Variants in FCHO1 observed in about 807,000 individuals in gnomAD.
The protein encoded by FCHO1 is F-BAR domain only protein 1.
A neutral mutation model predicts 114.4 loss-of-function variants in FCHO1; 45 were observed. The ratio of observed to expected loss-of-function variants is 0.39; its 90% confidence interval spans 0.31 to 0.50. The LOEUF (loss-of-function observed/expected upper bound fraction) is 0.50, where lower values mean the gene tolerates loss of function less well. Ranked by LOEUF, FCHO1 falls within the 20% of genes least tolerant of loss-of-function variation. The pLI is 0.77. For synonymous variants in FCHO1, 480 were observed against 488.9 expected, an observed-to-expected ratio of 0.98 and a Z score of 0.24; for missense variants, 1,042 against 1,209.6, an observed-to-expected ratio of 0.86 and a Z score of 2.06.
chr19:17,760,747 T>G (rs929687845), intron 4 of FCHO1, among the ~76,000 whole-genome samples: 7 of 152,114 alleles, frequency 4.6e-5, no homozygotes, highest in African/African-American at 1.4e-4. Context: ...CCTCCCGGGT[T>G]CAAGTGATTC....
chr19:17,784,729 C>G lies in FCHO1; in HGVS notation c.2231C>G (p.Ser744Cys). 1 of 1,613,950 alleles carries G rather than the reference C, an allele frequency of 6.2e-7. No individual in the cohort carries two copies. Among genetic ancestry groups the G allele is most frequent in the South Asian group, 1.1e-5 (1 of 91,084 alleles). Residue 744 changes from serine to cysteine, a missense_variant, in exon 26 of 29, where the codon TCC becomes TGC. Coordinates refer to ENST00000596536, the MANE Select transcript of FCHO1 (RefSeq NM_015122.3). This position sits in a 1 kb window ranked among gnomAD's most constrained non-coding sequence, Gnocchi z 5.3. ...TCTCATTCTCATTCTTCCTAGTTCT[C>G]CCGCCCGGGTCCCCAGTCTGTGCCT... Reference protein sequence around the residue: ...YNVVLLRYQFSRPGPQSVPLQ... With the variant: ...YNVVLLRYQFCRPGPQSVPLQ...
rs2092692025 is a variant in FCHO1, at chr19:17,776,813, G to GT, written c.1259+132dup. On this transcript the variant is annotated intron_variant, in intron 18 of 28. Coordinates refer to ENST00000596536, the MANE Select transcript of FCHO1 (RefSeq NM_015122.3). This position sits in a 1 kb window ranked among gnomAD's most constrained non-coding sequence, Gnocchi z 4.4. ...GTCATGCTGGGGTTTTTTTGTTTTT[G>GT]TTTTTGTTTTGAGACAGAGTCTCAC... is the stretch of plus-strand genomic sequence containing the variant. 9 of 913,888 alleles carry GT rather than the reference G, an allele frequency of 9.8e-6. No individual in the cohort carries two copies. Among genetic ancestry groups the GT allele is most frequent in the Non-Finnish European group, 1.5e-5 (9 of 602,102 alleles). 56.6% of individuals were successfully genotyped at this position (913,888 alleles called of 1,614,324 possible).
intron 3 of FCHO1, chr19:17,754,909 C>T (rs1599536461): frequency 2.0e-6 from 1 of 512,706 alleles, no homozygotes; most frequent in East Asian, 3.6e-5. Flanking sequence ...GAATTGGGGG[C>T]ATCTGTGTCT....
chr19:17,782,640 G>C (rs1414099519), intron 23 of FCHO1, among the ~76,000 whole-genome samples: 3 of 152,162 alleles, frequency 2.0e-5, no homozygotes, highest in Admixed American at 6.6e-5. Context: ...GCGGAGTGCA[G>C]GGATATATAT....
Position 17,784,070 on chromosome 19 carries a change from G to A in FCHO1, c.2094-33G>A, listed in dbSNP as rs764126635. The stretch of plus-strand genomic sequence containing the variant: ...TGGGAGCCCTGGGAGGGCATGTCCC[G>A]AGGATTGGGGTGATCAGTCCGGGTC... On this transcript the variant is annotated intron_variant, in intron 24 of 28. Transcript: ENST00000596536. This position sits in a 1 kb window ranked among gnomAD's most constrained non-coding sequence, Gnocchi z 5.3. The A allele has an allele frequency of 3.8e-6, 6 of 1,593,946 alleles. No individual in the cohort carries two copies. Among genetic ancestry groups the A allele is most frequent in the Admixed American group, 3.4e-5 (2 of 58,162 alleles).
rs1221721234 is a variant in FCHO1, at chr19:17,778,728, T to A, written c.1471T>A (p.Ser491Thr). 4.5e-6 allele frequency: 7 copies of A among 1,542,258 alleles called. No individual in the cohort carries two copies. The highest frequency in any genetic ancestry group is 6.1e-6 in the Non-Finnish European group (7 of 1,148,714). The change falls in exon 20 of 29, where the codon TCC (serine) becomes ACC (threonine). Residue 491 changes from serine (S) to threonine (T), a missense_variant. Physicochemically the swap from Ser to Thr is moderately conservative, Grantham distance 58 (BLOSUM62 1). Coordinates refer to ENST00000596536, the MANE Select transcript of FCHO1 (RefSeq NM_015122.3). ...SHAAPGPSPD[S>T]WVPRPGTPQS... ...CGCGGCACCTGGCCCCTCCCCAGAT[T>A]CCTGGGTCCCCCGCCCAGGCACCCC...
intron 6 of FCHO1, among the ~76,000 whole-genome samples, chr19:17,766,154 T>G (rs1035253838): frequency 3.5e-4 from 53 of 149,902 alleles, no homozygotes; most frequent in African/African-American, 1.2e-3. Context: ...CCTCCCAAAG[T>G]GCTGGGATTA....
intron 1 of FCHO1, among the ~76,000 whole-genome samples, chr19:17,752,017 T>C (rs916575337): frequency 1.3e-5 from 2 of 152,176 alleles, no homozygotes; most frequent in Non-Finnish European, 2.9e-5. Context: ...TGGTGCTCCA[T>C]GTGTATCTGT....
At chr19:17,768,714 A>C in intron 7 of FCHO1, among the ~76,000 whole-genome samples, 1 of 124,900 alleles carries the variant, frequency 8.0e-6, no homozygotes, top group African/African-American at 2.8e-5. Flanking sequence ...CAAGGCAAAA[A>C]AAAAAAAAAG....
Position 17,775,931 on chromosome 19 carries a change from G to A in FCHO1, c.1004-52G>A, listed in dbSNP as rs1256387586. 1 of 1,585,530 alleles carries A rather than the reference G, an allele frequency of 6.3e-7. No individual in the cohort carries two copies. The highest frequency in any genetic ancestry group is 2.2e-5 in the East Asian group (1 of 44,632). On this transcript the variant is annotated intron_variant, in intron 15 of 28. Coordinates refer to ENST00000596536, the MANE Select transcript of FCHO1 (RefSeq NM_015122.3). The surrounding 1 kb of genome is among the most constrained non-coding windows in gnomAD (Gnocchi z 5.1). The stretch of plus-strand genomic sequence containing the variant: ...AGGGACGAGGCTGGATTGGAGAGCT[G>A]ACTGGGGGAAAGCTTGTGTTGGGAT...
At chr19:17,754,852 A>T (rs2082920392) in intron 3 of FCHO1, 171 bp downstream of exon 3, 1 of 407,316 alleles carries the variant, frequency 2.5e-6, no homozygotes, top group Non-Finnish European at 4.6e-6. Context: ...TCCAATCTAG[A>T]CTCCCTCAGC....
Position 17,772,546 on chromosome 19 carries a change from G to A in FCHO1, c.684G>A (p.Gln228=). ...ACTCGGTGGAGGACACGCACGTGCA[G>A]ATTGGGCAGGTGAGTTGGGCAGGTG... ...YAHSVEDTHV[Q]IGQVHEEFKQ... The change falls in exon 10 of 29, where the codon CAG becomes CAA. Residue 228 remains glutamine (Q), a synonymous_variant. Coordinates refer to ENST00000596536, the MANE Select transcript of FCHO1 (RefSeq NM_015122.3). The A allele has an allele frequency of 1.9e-6, 3 of 1,614,170 alleles. No homozygotes were observed. Among genetic ancestry groups the A allele is most frequent in the Non-Finnish European group, 2.5e-6 (3 of 1,180,004 alleles).
chr19:17,778,899 C>A lies in FCHO1; in HGVS notation c.1627+15C>A. The A allele has an allele frequency of 1.3e-6, 2 of 1,530,842 alleles. No homozygotes were observed. Among genetic ancestry groups the A allele is most frequent in the East Asian group, 2.3e-5 (1 of 43,832 alleles). The allele number at this position is 1,530,842 out of a possible 1,614,324, so 94.8% of individuals were successfully genotyped here. On this transcript the variant is annotated intron_variant, in intron 20 of 28. Transcript: ENST00000596536. Reference sequence around the variant, plus strand: ...GGCCGGAGGAGGTGAGTCCAGCGGGCCTGGGCCTGAGAGTTGCTGGAACCC... The same window carrying A: ...GGCCGGAGGAGGTGAGTCCAGCGGGACTGGGCCTGAGAGTTGCTGGAACCC...
intron 20 of FCHO1, among the ~76,000 whole-genome samples, chr19:17,779,271 G>A (rs763551629): frequency 6.6e-6 from 1 of 152,228 alleles, no homozygotes; most frequent in South Asian, 2.1e-4. Context: ...GAAGGAGGAA[G>A]AAGAGAAGGC....
Position 17,773,315 on chromosome 19 carries a change from A to G in FCHO1, c.790+574A>G, listed in dbSNP as rs533250887. Reference sequence around the variant, plus strand: ...AGTGAGGATGTAATAATGTTGCAACATTCAGTGATTTCATGCAGGTAAAGG... The same window carrying G: ...AGTGAGGATGTAATAATGTTGCAACGTTCAGTGATTTCATGCAGGTAAAGG... On this transcript the variant is annotated intron_variant, in intron 11 of 28. Coordinates refer to ENST00000596536, the MANE Select transcript of FCHO1 (RefSeq NM_015122.3). Among the ~76,000 whole-genome samples the G allele has an allele frequency of 2.0e-5, 3 of 152,314 alleles. No homozygotes were observed. In the South Asian group the frequency reaches 6.2e-4, roughly 32 times the overall value.
intron 22 of FCHO1, 65 bp from the exon 23 acceptor site, chr19:17,781,647 C>T (rs887956071): frequency 1.2e-5 from 19 of 1,543,626 alleles, no homozygotes; most frequent in South Asian, 9.0e-5. Context: ...GAGGGAGTCT[C>T]GAGCCTGGAG....
intron 20 of FCHO1, among the ~76,000 whole-genome samples, chr19:17,779,861 A>G (rs1286927805): frequency 6.6e-6 from 1 of 151,878 alleles, no homozygotes; most frequent in Non-Finnish European, 1.5e-5. Context: ...TGAAGACGTC[A>G]TCAAAACAGG....
chr19:17,755,827 C>T (rs1001660870), intron 4 of FCHO1, among the ~76,000 whole-genome samples: 8 of 152,204 alleles, frequency 5.3e-5, no homozygotes, highest in African/African-American at 9.6e-5. Context: ...ACACCTTCAG[C>T]CCTGCAGGAC....
rs200460530 is a variant in FCHO1 at position 17,774,199 on chromosome 19, G to A, written c.791-40G>A. ...GCTGGGATTACAGGCATGGGCCACC[G>A]TGCCCAGCCCCTCAATTGAGTTTCC... On this transcript the variant is annotated intron_variant, in intron 11 of 28. Transcript: ENST00000596536. 1,546 of 1,606,460 alleles carry A rather than the reference G, an allele frequency of 9.6e-4. 9 individuals carry two copies. In the African/African-American group the frequency reaches 0.018, roughly 19 times the overall value.
Sources: allele counts gnomAD v4.1 joint callset (sites outside exome capture counted in the v4.1 genomes callset), GRCh38; gene constraint gnomAD v4.1.1; non-coding constraint Gnocchi (gnomAD v3.1); transcripts MANE v1.5; gene names NCBI Gene and HGNC (gene_info 2026-07-23, HGNC 2026-07-21).